Variants in IL1R1 observed in about 807,000 individuals in gnomAD.
IL1R1 encodes the protein interleukin 1 receptor type 1.
A neutral mutation model predicts 50.2 loss-of-function variants in IL1R1; 22 were observed. That is an observed-to-expected ratio of 0.44 (90% CI 0.31 to 0.63). The LOEUF is 0.63. Ranked by LOEUF, IL1R1 falls within the 20% of genes least tolerant of loss-of-function variation. The pLI is 0.07. For missense variants in IL1R1, 509 were observed against 676.2 expected (o/e 0.75, Z 2.74); for synonymous variants, 251 against 236.7 (o/e 1.06, Z -0.55).
At chr2:102,076,246 C>T (rs769953718) in intron 1 of IL1R1, among the ~76,000 whole-genome samples, 8 of 148,802 alleles carry the variant, frequency 5.4e-5, no homozygotes, top group East Asian at 2.0e-4. Flanking sequence ...GGTGTGATCT[C>T]GGCTCACTGC....
chr2:102,091,028 C>T lies in IL1R1; in HGVS notation c.-84+20495C>T, dbSNP rs114353722. ...GTAAAACACATTAGAACTTGGTTTACTTGTGTTTCTCAATTGAGACTTTTC... is the reference window on the plus strand; with the variant it reads ...GTAAAACACATTAGAACTTGGTTTATTTGTGTTTCTCAATTGAGACTTTTC... On this transcript the variant is annotated intron_variant, in intron 1 of 11. Coordinates refer to the IL1R1 transcript ENST00000409929. Among the ~76,000 whole-genome samples the T allele has an allele frequency of 2.2e-3, 333 of 152,306 alleles. 1 individual carries two copies. Among genetic ancestry groups the T allele is most frequent in the African/African-American group, 7.4e-3 (308 of 41,580 alleles).
intron 2 of IL1R1, among the ~76,000 whole-genome samples, chr2:102,157,453 G>C (rs567244788): frequency 3.9e-5 from 6 of 152,200 alleles, no homozygotes; most frequent in African/African-American, 1.4e-4. Flanking sequence ...ATGTGTAATG[G>C]GACAGAAGGT....
chr2:102,126,897 C>T (rs1681741562), intron 1 of IL1R1, among the ~76,000 whole-genome samples: 1 of 152,174 alleles, frequency 6.6e-6, no homozygotes, highest in African/African-American at 2.4e-5. Context: ...GGCTGTCCAG[C>T]CTGGGTTTTA....
chr2:102,163,114 T>G (rs141625220), intron 3 of IL1R1, among the ~76,000 whole-genome samples: 1 of 152,304 alleles, frequency 6.6e-6, no homozygotes, highest in African/African-American at 2.4e-5. Context: ...AGCTGCATCA[T>G]TTTTTGTCTT....
chr2:102,169,829 C>G (rs374383353), intron 7 of IL1R1, among the ~76,000 whole-genome samples: 2 of 152,182 alleles, frequency 1.3e-5, no homozygotes, highest in Non-Finnish European at 2.9e-5. Context: ...AAATTGTTCC[C>G]CTTTAGAGTC....
In IL1R1 at chr2:102,092,422, G is replaced by T. The variant is rs148573448; in HGVS notation, c.-84+21889G>T. ...TATCCATGTTTGTCCAATCATTGTA[G>T]CATTATCCAGAATATCCTTTATCAA... On this transcript the variant is annotated intron_variant, in intron 1 of 11. Coordinates refer to the IL1R1 transcript ENST00000409929. Among the ~76,000 whole-genome samples, 540 of 152,074 alleles carry T rather than the reference G, an allele frequency of 3.6e-3. 11 individuals carry two copies. Among genetic ancestry groups the T allele is most frequent in the East Asian group, 9.7e-4 (5 of 5,172 alleles).
chr2:102,126,590 GTT>G (rs80318019), intron 1 of IL1R1, among the ~76,000 whole-genome samples: 1 of 140,860 alleles, frequency 7.1e-6, no homozygotes. Flanking sequence ...TGTTTGAAAG[GTT>G]TTTTTTTTTT....
intron 1 of IL1R1, among the ~76,000 whole-genome samples, chr2:102,116,336 CT>C (rs1294219947): frequency 6.6e-6 from 1 of 152,286 alleles, no homozygotes; most frequent in East Asian, 1.9e-4. Context: ...TGTTAGGAGA[CT>C]GGATTGCTAG....
chr2:102,096,690 T>A (rs1679917139), intron 1 of IL1R1, among the ~76,000 whole-genome samples: 1 of 152,026 alleles, frequency 6.6e-6, no homozygotes, highest in Non-Finnish European at 1.5e-5. Context: ...TGTCTTTTGG[T>A]GAGTGGAAGT....
At chr2:102,165,386 C>G in intron 5 of IL1R1, 82 bp downstream of exon 5, 2 of 685,638 alleles carry the variant, frequency 2.9e-6, no homozygotes, top group Non-Finnish European at 4.5e-6. Flanking sequence ...CTGCAAAGTA[C>G]CTTTTTATTT....
chr2:102,084,832 C>T (rs1679368734), intron 1 of IL1R1, among the ~76,000 whole-genome samples: 1 of 152,178 alleles, frequency 6.6e-6, no homozygotes, highest in African/African-American at 2.4e-5. Context: ...CATGGTTCTG[C>T]TAATATGTAC....
chr2:102,156,537 A>G (rs900348460), intron 2 of IL1R1, among the ~76,000 whole-genome samples: 8 of 148,502 alleles, frequency 5.4e-5, no homozygotes, highest in African/African-American at 2.0e-4. Flanking sequence ...TTTGAGATGG[A>G]GTCTCACTCT....
At chr2:102,080,403 A>G (rs1410314612) in intron 1 of IL1R1, among the ~76,000 whole-genome samples, 1 of 152,226 alleles carries the variant, frequency 6.6e-6, no homozygotes, top group Non-Finnish European at 1.5e-5. Flanking sequence ...CCCAATTAAA[A>G]AGTGAGCAAA....
rs1364011267 is a variant in IL1R1, at chr2:102,172,736, A to G, written c.889A>G (p.Asn297Asp). 8.1e-6 allele frequency: 13 copies of G among 1,612,676 alleles called. No individual in the cohort carries two copies. The highest frequency in any genetic ancestry group is 1.1e-5 in the Non-Finnish European group (13 of 1,178,894). The change falls in exon 9 of 12, where the codon AAT (asparagine) becomes GAT (aspartate). Residue 297 changes from asparagine to aspartate, a missense_variant. By Grantham distance (23) the Asn-to-Asp change is conservative. Transcript: ENST00000410023. The part of the protein sequence containing the change: ...KRRSTLITVL[N>D]ISEIESRFYK... ...AAGGAGTACCCTCATCACAGTGCTT[A>G]ATATATCGGAAATTGAAAGTAGATT...
At chr2:102,132,714 T>C (rs1682105616) in intron 1 of IL1R1, among the ~76,000 whole-genome samples, 2 of 152,138 alleles carry the variant, frequency 1.3e-5, no homozygotes, top group South Asian at 4.1e-4. Context: ...CTGGATTGAC[T>C]GTGGATTAAA....
chr2:102,156,403 C>T (rs955965972), intron 2 of IL1R1, among the ~76,000 whole-genome samples: 19 of 152,154 alleles, frequency 1.2e-4, no homozygotes, highest in African/African-American at 4.1e-4. Flanking sequence ...TGTCCTGATA[C>T]TGGGGATAAA....
intron 1 of IL1R1, among the ~76,000 whole-genome samples, chr2:102,119,398 A>G (rs994946077): frequency 1.3e-5 from 2 of 152,236 alleles, no homozygotes; most frequent in Admixed American, 6.5e-5. Flanking sequence ...TGTGGTCAGT[A>G]GGTTATTGTT....
intron 1 of IL1R1, among the ~76,000 whole-genome samples, chr2:102,086,610 T>G (rs1162296056): frequency 1.3e-5 from 2 of 152,124 alleles, no homozygotes; most frequent in African/African-American, 4.8e-5. Context: ...TCAACAGACT[T>G]TTTTTCTTTG....
chr2:102,170,349 G>C (rs3917343), intron 7 of IL1R1, among the ~76,000 whole-genome samples: 1 of 152,142 alleles, frequency 6.6e-6, no homozygotes, highest in Non-Finnish European at 1.5e-5. Context: ...AAAGCCAAGA[G>C]CAAGACAAAG....
Sources: gnomAD v4.1 joint callset for allele counts (sites outside exome capture counted in the v4.1 genomes callset) on GRCh38, gnomAD v4.1.1 for gene constraint, MANE v1.5 for transcripts, NCBI Gene and HGNC (gene_info 2026-07-23, HGNC 2026-07-21) for gene names.